The following CRTAC1 variants were observed in gnomAD, a reference collection of about 807,000 sequenced individuals.
The protein encoded by CRTAC1 is cartilage acidic protein 1.
In CRTAC1, 37 loss-of-function variants were observed where a neutral mutation model predicts 67.8. The ratio of observed to expected loss-of-function variants is 0.55; its 90% CI spans 0.42 to 0.72. The LOEUF (loss-of-function observed/expected upper bound fraction) is 0.72. CRTAC1 is among the 30% of genes least tolerant of loss of function. The pLI, the probability that CRTAC1 is intolerant of heterozygous loss-of-function variation, is 0.00. For synonymous variants in CRTAC1, 348 were observed against 371.0 expected, an observed-to-expected ratio of 0.94 and a Z score of 0.71; for missense variants, 780 against 931.6, an observed-to-expected ratio of 0.84 and a Z score of 2.12.
At chr10:97,910,259 G>T (rs549326316) in intron 5 of CRTAC1, among the ~76,000 whole-genome samples, 46 of 152,338 alleles carry the variant, frequency 3.0e-4, no homozygotes, top group African/African-American at 1.0e-3. Flanking sequence ...GCTCGACTTA[G>T]CCATTCCACA....
intron 6 of CRTAC1, 74 bp from the exon 7 acceptor site, chr10:97,904,888 C>T: frequency 1.4e-6 from 2 of 1,454,524 alleles, no homozygotes; most frequent in Middle Eastern, 1.9e-4. Context: ...TGCTCTAGCT[C>T]TGTGACAAGC....
At chr10:97,984,730 G>C (rs1333583999) in intron 2 of CRTAC1, among the ~76,000 whole-genome samples, 1 of 152,184 alleles carries the variant, frequency 6.6e-6, no homozygotes. Flanking sequence ...AAGACAACTT[G>C]TTTGGGCACG....
chr10:97,879,568 G>C (rs2050184413), intron 14 of CRTAC1: 1 of 1,325,846 alleles, frequency 7.5e-7, no homozygotes, highest in African/African-American at 1.5e-5. Context: ...TCCATTCAGA[G>C]GGAGCACACA....
At chr10:97,868,852 C>CATA (rs1209357912) in intron 14 of CRTAC1, 3 of 152,156 alleles carry the variant, frequency 2.0e-5, no homozygotes, top group Non-Finnish European at 4.4e-5. Flanking sequence ...AAATGGTAAT[C>CATA]ATAATAATAA....
rs1449787626 is a variant in CRTAC1, at chr10:97,895,384, C to A, written c.1347G>T (p.Val449=). Residue 449 remains valine (V), a synonymous_variant, in exon 11 of 15, where the codon GTG becomes GTT. Transcript: ENST00000370597. This position sits in a 1 kb window ranked among gnomAD's most constrained non-coding sequence, Gnocchi z 4.2. ...QGFNNNWLRV[V]PRTRFGAFAR... is the part of the protein sequence containing the mutation. ...CAAAGGCCCCAAACCGGGTGCGTGG[C>A]ACCACTCGCAGCCAGTTGTTGTTGA... 1 of 1,610,460 alleles carries A rather than the reference C, an allele frequency of 6.2e-7. No individual in the cohort carries two copies. Among genetic ancestry groups the A allele is most frequent in the African/African-American group, 1.3e-5 (1 of 74,962 alleles).
intron 5 of CRTAC1, among the ~76,000 whole-genome samples, chr10:97,908,576 G>A (rs111925267): frequency 0.013 from 1,934 of 152,332 alleles, 39 homozygotes; most frequent in African/African-American, 0.043. Context: ...CACTGGGTAT[G>A]TCCCAGCTTT....
chr10:97,973,098 TTG>T (rs1256395312), intron 2 of CRTAC1, among the ~76,000 whole-genome samples: 5 of 152,358 alleles, frequency 3.3e-5, no homozygotes, highest in Non-Finnish European at 7.3e-5. Flanking sequence ...TGCCAACTAA[TTG>T]TGTGTGTATA....
intron 4 of CRTAC1, among the ~76,000 whole-genome samples, chr10:97,920,882 C>T (rs533739482): frequency 3.9e-4 from 59 of 152,252 alleles, no homozygotes; most frequent in East Asian, 1.5e-3. Flanking sequence ...GATCAGAGGA[C>T]GTTCTTGTAA....
chr10:97,865,795 T>C, intron 14 of CRTAC1, 81 bp from the exon 15 acceptor site: 1 of 1,442,626 alleles, frequency 6.9e-7, no homozygotes, highest in South Asian at 1.4e-5. Context: ...TTCTGAGTCA[T>C]TCTTTGGGCT....
At chr10:97,957,310 GAT>G (rs2051456962) in intron 2 of CRTAC1, among the ~76,000 whole-genome samples, 1 of 152,152 alleles carries the variant, frequency 6.6e-6, no homozygotes, top group Non-Finnish European at 1.5e-5. Flanking sequence ...AATGAGTGAT[GAT>G]AAAAGCAGTG....
intron 5 of CRTAC1, among the ~76,000 whole-genome samples, chr10:97,913,796 G>A (rs527898202): frequency 4.6e-5 from 7 of 152,240 alleles, no homozygotes; most frequent in South Asian, 2.1e-4. Context: ...AAAGGCCAGC[G>A]CCCACCTGGG....
chr10:97,986,017 T>A (rs1056477688), intron 2 of CRTAC1, among the ~76,000 whole-genome samples: 2 of 152,172 alleles, frequency 1.3e-5, no homozygotes, highest in Non-Finnish European at 1.5e-5. Flanking sequence ...TGCAACAGCC[T>A]CTAAAATGCT....
chr10:97,866,044 G>A (rs993642802), intron 14 of CRTAC1: 2 of 307,064 alleles, frequency 6.5e-6, no homozygotes, highest in Admixed American at 4.6e-5. Flanking sequence ...CCAACCCTGC[G>A]AGGGGGGCCG....
chr10:98,022,121 C>G (rs564130734), intron 1 of CRTAC1, among the ~76,000 whole-genome samples: 2 of 151,934 alleles, frequency 1.3e-5, no homozygotes, highest in East Asian at 3.9e-4. Context: ...TTTGGGAGGC[C>G]GAGGCGGGCA....
chr10:97,926,266 C>A (rs933869085), intron 3 of CRTAC1, among the ~76,000 whole-genome samples: 1 of 152,176 alleles, frequency 6.6e-6, no homozygotes, highest in African/African-American at 2.4e-5. Context: ...AGGGCCCCGA[C>A]CCAGTCGGCC....
intron 2 of CRTAC1, among the ~76,000 whole-genome samples, chr10:97,970,037 A>G (rs2051682970): frequency 6.6e-6 from 1 of 152,186 alleles, no homozygotes; most frequent in Non-Finnish European, 1.5e-5. Context: ...CTGAGCTCCC[A>G]GTAGCTCTTC....
chr10:97,919,497 G>T (rs2050805865), intron 4 of CRTAC1, among the ~76,000 whole-genome samples: 1 of 152,194 alleles, frequency 6.6e-6, no homozygotes, highest in Non-Finnish European at 1.5e-5. Context: ...GCTGGAGAAG[G>T]TGGTAAATTT....
intron 14 of CRTAC1, chr10:97,870,921 G>A (rs1448425641): frequency 6.6e-6 from 1 of 152,176 alleles, no homozygotes; most frequent in Non-Finnish European, 1.5e-5. Context: ...AGCATCTACA[G>A]CTTTCAGCAG....
chr10:97,963,303 C>G (rs761886662), intron 2 of CRTAC1, among the ~76,000 whole-genome samples: 1 of 152,202 alleles, frequency 6.6e-6, no homozygotes, highest in Non-Finnish European at 1.5e-5. Context: ...ACCAGGAGCA[C>G]TGGCATCCCC....
Sources: allele counts gnomAD v4.1 joint callset (sites outside exome capture counted in the v4.1 genomes callset), GRCh38; gene constraint gnomAD v4.1.1; non-coding constraint Gnocchi (gnomAD v3.1); transcripts MANE v1.5; gene names NCBI Gene and HGNC (gene_info 2026-07-23, HGNC 2026-07-21).